Variants in COG7 observed in about 807,000 individuals in gnomAD.
The protein encoded by COG7 is conserved oligomeric Golgi complex subunit 7.
Under a neutral mutation model 91.5 loss-of-function variants are expected in COG7, and 49 were observed. That is an observed-to-expected ratio of 0.54 (90% CI 0.43 to 0.68). The LOEUF (loss-of-function observed/expected upper bound fraction) is 0.68. COG7 is among the 30% of genes least tolerant of loss of function. COG7 has a pLI of 0.00. For synonymous variants in COG7, 365 were observed against 388.7 expected, an observed-to-expected ratio of 0.94 and a Z score of 0.72; for missense variants, 895 against 961.3, an observed-to-expected ratio of 0.93 and a Z score of 0.91.
intron 13 of COG7, among the ~76,000 whole-genome samples, chr16:23,399,142 A>G (rs920473106): frequency 6.6e-6 from 1 of 152,094 alleles, no homozygotes; most frequent in African/African-American, 2.4e-5. Context: ...CCGGGAAAGG[A>G]ATGACCATGT....
In COG7 at chr16:23,400,986, G is replaced by T. The variant is rs575654379; in HGVS notation, c.1803+2708C>A. On this transcript the variant is annotated intron_variant, in intron 13 of 16. Transcript: ENST00000307149. ...CTTTGTCTCAAAAAAAAAAGGGGGG[G>T]GGGAAAACAGCAGAGAATGTCACTT... is the stretch of plus-strand genomic sequence containing the variant. Among the ~76,000 whole-genome samples, 40 of 150,646 alleles carry T rather than the reference G, an allele frequency of 2.7e-4. No homozygotes were observed. The East Asian group carries it at 7.6e-3, about 28-fold the overall frequency.
At chr16:23,415,488 C>T (rs1963637535) in intron 9 of COG7, 1 of 152,202 alleles carries the variant, frequency 6.6e-6, no homozygotes, top group African/African-American at 2.4e-5. Flanking sequence ...TGTTCCCAAA[C>T]CCTCCAGCTG....
chr16:23,398,478 C>T (rs931831529), intron 13 of COG7, among the ~76,000 whole-genome samples: 2 of 152,274 alleles, frequency 1.3e-5, no homozygotes, highest in Admixed American at 6.5e-5. Flanking sequence ...AGTTTCTCTG[C>T]GTAGCGGGGC....
At chr16:23,402,056 C>CA (rs1247096969) in intron 13 of COG7, among the ~76,000 whole-genome samples, 1 of 151,656 alleles carries the variant, frequency 6.6e-6, no homozygotes, top group Non-Finnish European at 1.5e-5. Context: ...GACTCAGTCT[C>CA]AAAAAAAGAG....
intron 3 of COG7, 134 bp from the exon 4 acceptor site, chr16:23,442,779 T>C (rs1194731531): frequency 2.5e-6 from 2 of 803,148 alleles, no homozygotes; most frequent in Admixed American, 3.8e-5. Context: ...TTCATGCCTG[T>C]AATCCCAGCA....
chr16:23,423,505 C>G (rs1297763143), intron 7 of COG7, among the ~76,000 whole-genome samples: 2 of 152,164 alleles, frequency 1.3e-5, no homozygotes. Context: ...TAGCCCAGCT[C>G]TCTCAACTCT....
chr16:23,416,725 G>A, intron 9 of COG7: 2 of 562,962 alleles, frequency 3.6e-6, no homozygotes, highest in Admixed American at 3.1e-5. Flanking sequence ...TGCTGCACAA[G>A]TTTCCCTCAT....
Position 23,449,654 on chromosome 16 carries a change from T to C in COG7, c.169+3172A>G, listed in dbSNP as rs1432002997. The stretch of plus-strand genomic sequence containing the variant: ...TACTCGGGAGGCTGAGGCAGGAGAA[T>C]TGCTTGAACCCGAGAGGCGGAGGTT... On this transcript the variant is annotated intron_variant, in intron 1 of 16. Transcript: ENST00000307149. 4.6e-5 allele frequency among the ~76,000 whole-genome samples: 7 copies of C among 150,618 alleles called. No homozygotes were observed. The South Asian group carries it at 1.0e-3, about 22-fold the overall frequency.
In COG7 at chr16:23,424,765, T is replaced by G. The variant is rs777813151; in HGVS notation, c.993A>C (p.Ala331=). 1.9e-6 allele frequency: 3 copies of G among 1,614,184 alleles called. No homozygotes were observed. The South Asian group carries it at 3.3e-5, about 18-fold the overall frequency. Residue 331 remains alanine, a synonymous_variant, in exon 7 of 17, where the codon GCA becomes GCC. Coordinates refer to ENST00000307149, the MANE Select transcript of COG7 (RefSeq NM_153603.4). ...AATGTTTACGTAGGTGGGGGAGCAG[T>G]GCCATCTCCAAGCCCTTGGCGAAGT... is the stretch of plus-strand genomic sequence containing the variant. ...TAHFAKGLEM[A]LLPHLHEHNL...
intron 3 of COG7, 67 bp from the exon 4 acceptor site, chr16:23,442,712 A>G: frequency 1.5e-6 from 2 of 1,373,732 alleles, no homozygotes; most frequent in Non-Finnish European, 2.1e-6. Context: ...GGGAATAGAT[A>G]AAATACATGA....
intron 6 of COG7, 25 bp from the exon 7 acceptor site, chr16:23,424,972 G>A (rs773013919): frequency 1.9e-6 from 3 of 1,573,824 alleles, no homozygotes; most frequent in Non-Finnish European, 2.6e-6. Flanking sequence ...AGGTGTACCT[G>A]CCTTAGCACA....
chr16:23,446,010 A>G (rs746673450), intron 1 of COG7, 49 bp from the exon 2 acceptor site: 23 of 1,593,438 alleles, frequency 1.4e-5, no homozygotes, highest in African/African-American at 4.0e-5. Context: ...GATAGCCACA[A>G]AAGGTGAAAG....
In COG7 at chr16:23,442,491, G is replaced by A. The variant is rs779923823; in HGVS notation, c.590C>T (p.Thr197Ile). The A allele has an allele frequency of 1.2e-6, 2 of 1,614,016 alleles. No individual in the cohort carries two copies. Among genetic ancestry groups the A allele is most frequent in the East Asian group, 2.2e-5 (1 of 44,886 alleles). The part of the protein sequence containing the change: ...LASPQIVAAF[T>I]SQAVDQSKVF... ...CTAGCACTCACCTACAGCCTGAGAG[G>A]TGAATGCCGCTACAATCTGTGGACT... Residue 197 changes from threonine (T) to isoleucine (I), a missense_variant, in exon 4 of 17, where the codon ACC (threonine) becomes ATC (isoleucine). Transcript: ENST00000307149.
At position 23,410,322 on chromosome 16, in the gene COG7, C is replaced by T. The variant is rs1000981366; in HGVS notation, c.1448G>A (p.Gly483Glu). Residue 483 changes from glycine (G) to glutamate (E), a missense_variant, in exon 11 of 17, where the codon GGG (glycine) becomes GAG (glutamate). Coordinates refer to ENST00000307149, the MANE Select transcript of COG7 (RefSeq NM_153603.4). The part of the protein sequence containing the change: ...ATCGELLRHC[G>E]DFEQQLANRI... Reference sequence around the variant, plus strand: ...GTTGGCTAGCTGCTGCTCGAAGTCCCCACAATGCCGCAAAAGCTCTCCACA... The same window carrying T: ...GTTGGCTAGCTGCTGCTCGAAGTCCTCACAATGCCGCAAAAGCTCTCCACA... The T allele has an allele frequency of 1.2e-6, 2 of 1,614,062 alleles. No individual in the cohort carries two copies. Among genetic ancestry groups the T allele is most frequent in the Non-Finnish European group, 8.5e-7 (1 of 1,179,994 alleles).
chr16:23,410,302 C>A lies in COG7; in HGVS notation c.1468G>T (p.Ala490Ser). 1.2e-6 allele frequency: 2 copies of A among 1,613,968 alleles called. No individual in the cohort carries two copies. The highest frequency in any genetic ancestry group is 1.7e-6 in the Non-Finnish European group (2 of 1,179,902). Residue 490 changes from alanine (A) to serine (S), a missense_variant, in exon 11 of 17, where the codon GCC (alanine) becomes TCC (serine). By Grantham distance (99) the Ala-to-Ser change is moderately conservative. Transcript: ENST00000307149. Reference sequence around the variant, plus strand: ...ATGACTCCTCTCTCCTACCTGTTGGCTAGCTGCTGCTCGAAGTCCCCACAA... The same window carrying A: ...ATGACTCCTCTCTCCTACCTGTTGGATAGCTGCTGCTCGAAGTCCCCACAA... ...RHCGDFEQQL[A>S]NRILSTAGKY...
intron 14 of COG7, among the ~76,000 whole-genome samples, chr16:23,395,873 T>C (rs1963277468): frequency 6.6e-6 from 1 of 152,250 alleles, no homozygotes; most frequent in Non-Finnish European, 1.5e-5. Flanking sequence ...TTTGGCTCTA[T>C]CACTGTGAGA....
intron 1 of COG7, among the ~76,000 whole-genome samples, chr16:23,446,278 C>T (rs1345226782): frequency 2.6e-5 from 4 of 152,118 alleles, no homozygotes; most frequent in African/African-American, 9.7e-5. Flanking sequence ...AGGAGGCATG[C>T]CCCAGGAGCT....
chr16:23,421,345 A>C (rs954340966), intron 7 of COG7, among the ~76,000 whole-genome samples: 1 of 151,586 alleles, frequency 6.6e-6, no homozygotes, highest in Non-Finnish European at 1.5e-5. Flanking sequence ...AATTTGTAAC[A>C]GTGGTTAAAG....
chr16:23,392,523 C>A lies in COG7; in HGVS notation c.2003G>T (p.Gly668Val). 1.2e-6 allele frequency: 2 copies of A among 1,614,162 alleles called. No homozygotes were observed. Among genetic ancestry groups the A allele is most frequent in the Non-Finnish European group, 1.7e-6 (2 of 1,180,030 alleles). The change falls in exon 16 of 17, where the codon GGG becomes GTG. Residue 668 changes from glycine to valine, a missense_variant and splice_region_variant. Physicochemically the swap from Gly to Val is moderately radical, Grantham distance 109. Transcript: ENST00000307149. ...AGKLPFPPEQ[G>V]DELPELDNMA... ...GTTGTCCAGCTCGGGCAATTCATCCCCTGAAAAGAAAAGGAGGTCACCAAG... is the reference window on the plus strand; with the variant it reads ...GTTGTCCAGCTCGGGCAATTCATCCACTGAAAAGAAAAGGAGGTCACCAAG...
Sources: allele counts gnomAD v4.1 joint callset (sites outside exome capture counted in the v4.1 genomes callset), GRCh38; gene constraint gnomAD v4.1.1; transcripts MANE v1.5; gene names NCBI Gene and HGNC (gene_info 2026-07-23, HGNC 2026-07-21).